PRKN: variants seen among roughly 807,000 people sequenced by gnomAD.
The protein encoded by PRKN is E3 ubiquitin-protein ligase parkin.
In PRKN, 56 loss-of-function variants were observed where a neutral mutation model predicts 59.5. The ratio of observed to expected loss-of-function variants is 0.94; its 90% CI spans 0.76 to 1.18. The LOEUF is 1.18. Ranked by LOEUF, PRKN falls within the 50% of genes most tolerant of loss-of-function variation. PRKN has a pLI of 0.00. For synonymous variants in PRKN, 250 were observed against 222.1 expected (o/e 1.13, Z -1.12); for missense variants, 657 against 596.4 (o/e 1.10, Z -1.06).
intron 2 of PRKN, among the ~76,000 whole-genome samples, chr6:162,367,511 T>C (rs968121311): frequency 1.3e-5 from 2 of 152,174 alleles, no homozygotes; most frequent in African/African-American, 4.8e-5. Flanking sequence ...TATTAAAAAT[T>C]AACCCACCAA....
intron 1 of PRKN, among the ~76,000 whole-genome samples, chr6:162,658,103 C>A (rs989478738): frequency 1.3e-5 from 2 of 152,172 alleles, no homozygotes; most frequent in African/African-American, 4.8e-5. Context: ...CCAAATTCCA[C>A]ATAATTTAAC....
chr6:161,600,708 G>A (rs1782075208), intron 7 of PRKN, among the ~76,000 whole-genome samples: 1 of 151,996 alleles, frequency 6.6e-6, no homozygotes. Context: ...ATATATGTGT[G>A]GGAAAGAAGA....
chr6:162,469,594 A>T (rs1791624608), intron 1 of PRKN, among the ~76,000 whole-genome samples: 1 of 151,882 alleles, frequency 6.6e-6, no homozygotes, highest in Non-Finnish European at 1.5e-5. Context: ...CTGGATGGGA[A>T]TGGAGATGAT....
At position 161,548,291 on chromosome 6, in the gene PRKN, G is replaced by A. The variant is rs1367057741; in HGVS notation, c.1083+563C>T. Reference sequence around the variant, plus strand: ...TTTGAAAAGCCGGCCAGGTCACATGGTTTGACCTCTTAGAACAAACATTTT... The same window carrying A: ...TTTGAAAAGCCGGCCAGGTCACATGATTTGACCTCTTAGAACAAACATTTT... On this transcript the variant is annotated intron_variant, in intron 9 of 11. Coordinates refer to ENST00000366898, the MANE Select transcript of PRKN (RefSeq NM_004562.3). The surrounding 1 kb of genome is among the most constrained non-coding windows in gnomAD (Gnocchi z 4.2). Among the ~76,000 whole-genome samples, 1 of 152,150 alleles carries A rather than the reference G, an allele frequency of 6.6e-6. No individual in the cohort carries two copies. Among genetic ancestry groups the A allele is most frequent in the Non-Finnish European group, 1.5e-5 (1 of 68,034 alleles).
chr6:161,778,510 A>T (rs1297908110), intron 7 of PRKN, among the ~76,000 whole-genome samples: 2 of 152,224 alleles, frequency 1.3e-5, no homozygotes, highest in African/African-American at 4.8e-5. Context: ...ATCCAAAAAT[A>T]GCCAGTAGTC....
At chr6:162,486,795 C>T (rs577055818) in intron 1 of PRKN, among the ~76,000 whole-genome samples, 1 of 152,190 alleles carries the variant, frequency 6.6e-6, no homozygotes, top group South Asian at 2.1e-4. Context: ...TTTGGCCAGG[C>T]GTGGTGGCTC....
intron 5 of PRKN, among the ~76,000 whole-genome samples, chr6:162,049,478 A>G (rs1011519324): frequency 2.0e-5 from 3 of 152,184 alleles, no homozygotes; most frequent in African/African-American, 7.2e-5. Context: ...TTAGTGCTCA[A>G]ACCTTCAGTC....
Position 162,262,640 on chromosome 6 carries a change from G to C in PRKN, c.297C>G (p.Pro99=). The change falls in exon 3 of 12, where the codon CCC becomes CCG. Residue 99 remains proline (P), a synonymous_variant. Coordinates refer to ENST00000366898, the MANE Select transcript of PRKN (RefSeq NM_004562.3). ...RNAAGGCERE[P]QSLTRVDLSS... ...TGAGGTCCACCCGAGTCAAGCTCTGGGGCTCCCGCTCACAGCCTCCCGCCG... is the reference window on the plus strand; with the variant it reads ...TGAGGTCCACCCGAGTCAAGCTCTGCGGCTCCCGCTCACAGCCTCCCGCCG... 1 of 1,613,744 alleles carries C rather than the reference G, an allele frequency of 6.2e-7. No individual in the cohort carries two copies.
rs918678635 is a variant in PRKN, at chr6:161,379,640, G to A, written c.1167+7154C>T. On this transcript the variant is annotated intron_variant, in intron 10 of 11. Transcript: ENST00000366898. This position sits in a 1 kb window ranked among gnomAD's most constrained non-coding sequence, Gnocchi z 4.9. ...ACCCAAAGCCTTTCTTCCTTCTGCG[G>A]GAAGCCCACATCGAAAACCTGGTCT... 7.9e-5 allele frequency among the ~76,000 whole-genome samples: 12 copies of A among 152,294 alleles called. No individual in the cohort carries two copies. The highest frequency in any genetic ancestry group is 6.8e-3 in the Middle Eastern group (2 of 294).
intron 6 of PRKN, among the ~76,000 whole-genome samples, chr6:161,880,459 T>C (rs1794890901): frequency 6.6e-6 from 1 of 152,204 alleles, no homozygotes; most frequent in African/African-American, 2.4e-5. Context: ...CTCAGCTATC[T>C]ACATCTCTGC....
chr6:161,850,104 G>A (rs1027931941), intron 6 of PRKN, among the ~76,000 whole-genome samples: 1 of 152,050 alleles, frequency 6.6e-6, no homozygotes, highest in Non-Finnish European at 1.5e-5. Flanking sequence ...AAGCTATGGC[G>A]TCACAGGTAC....
rs35943173 is a variant in PRKN, at chr6:162,280,796, C to CAAAAA, written c.172-18036_172-18032dup. Among the ~76,000 whole-genome samples the CAAAAA allele has an allele frequency of 1.3e-3, 54 of 41,310 alleles. 1 individual carries two copies. Among genetic ancestry groups the CAAAAA allele is most frequent in the East Asian group, 6.5e-3 (8 of 1,240 alleles). 27.1% of individuals were successfully genotyped at this position (41,310 alleles called of 152,430 possible). ...TGGGCTACAGAGTGAGACTCCATCT[C>CAAAAA]AAAAAAAAAAAAAAAAAAAAAAGGC... On this transcript the variant is annotated intron_variant, in intron 2 of 11. Coordinates refer to ENST00000366898, the MANE Select transcript of PRKN (RefSeq NM_004562.3).
At chr6:162,223,860 G>A (rs369454196) in intron 3 of PRKN, among the ~76,000 whole-genome samples, 35 of 152,092 alleles carry the variant, frequency 2.3e-4, no homozygotes, top group African/African-American at 6.0e-4. Flanking sequence ...TGTTGTTGTC[G>A]TTTTGTAATA....
intron 1 of PRKN, among the ~76,000 whole-genome samples, chr6:162,541,196 T>A (rs368814043): frequency 6.6e-6 from 1 of 152,124 alleles, no homozygotes; most frequent in South Asian, 2.1e-4. Flanking sequence ...CTTGCCCTCA[T>A]GTGGGGAGAC....
chr6:161,618,034 C>G (rs573488215), intron 7 of PRKN, among the ~76,000 whole-genome samples: 1 of 152,342 alleles, frequency 6.6e-6, no homozygotes, highest in African/African-American at 2.4e-5. Context: ...CTGTACCTCT[C>G]CACTTCCACA....
chr6:161,875,112 T>G (rs1164055167), intron 6 of PRKN, among the ~76,000 whole-genome samples: 1 of 128,330 alleles, frequency 7.8e-6, no homozygotes, highest in African/African-American at 3.4e-5. Flanking sequence ...GTATATATAT[T>G]ATATATAAAG....
chr6:161,757,307 G>A lies in PRKN; in HGVS notation c.871+28465C>T, dbSNP rs1171135127. 2.0e-5 allele frequency among the ~76,000 whole-genome samples: 3 copies of A among 152,116 alleles called. No individual in the cohort carries two copies. In the East Asian group the frequency reaches 5.8e-4, roughly 29 times the overall value. ...AAAATGAAATAATAAGCCACACACA[G>A]AGAGAAAACATTTGCAAATCATACA... On this transcript the variant is annotated intron_variant, in intron 7 of 11. Coordinates refer to ENST00000366898, the MANE Select transcript of PRKN (RefSeq NM_004562.3).
chr6:161,665,065 C>T (rs186621648), intron 7 of PRKN, among the ~76,000 whole-genome samples: 31 of 152,132 alleles, frequency 2.0e-4, no homozygotes, highest in African/African-American at 7.2e-4. Flanking sequence ...GGATTACAGG[C>T]GTAAGCCACC....
chr6:162,381,699 GAT>G (rs561246265), intron 2 of PRKN, among the ~76,000 whole-genome samples: 234 of 152,200 alleles, frequency 1.5e-3, no homozygotes, highest in African/African-American at 5.5e-3. Context: ...AGTTAAAAAT[GAT>G]ATGTTTTTAC....
Sources: gnomAD v4.1 joint callset for allele counts (sites outside exome capture counted in the v4.1 genomes callset) on GRCh38, gnomAD v4.1.1 for gene constraint, Gnocchi (gnomAD v3.1) non-coding constraint, MANE v1.5 for transcripts, NCBI Gene and HGNC (gene_info 2026-07-23, HGNC 2026-07-21) for gene names.